DYM: variants seen among roughly 807,000 people sequenced by gnomAD.
DYM encodes dyggve-Melchior-Clausen syndrome protein.
A neutral mutation model predicts 93.1 loss-of-function variants in DYM; 78 were observed. That is an observed-to-expected ratio of 0.84 (90% CI 0.70 to 1.01). The LOEUF is 1.01. Among genes scored for constraint, DYM ranks in the 50% least tolerant of loss-of-function variants. The probability of loss-of-function intolerance (pLI) is 0.00; values close to 1 mark genes in which losing one functional copy is unlikely to be tolerated. For missense variants in DYM, 789 were observed against 845.0 expected (o/e 0.93, Z 0.82); for synonymous variants, 321 against 319.7 (o/e 1.00, Z -0.04).
intron 7 of DYM, among the ~76,000 whole-genome samples, chr18:49,332,877 C>T (rs1204635867): frequency 6.6e-6 from 1 of 152,184 alleles, no homozygotes; most frequent in East Asian, 1.9e-4. Context: ...CACAGTCCCA[C>T]GATGCCAGCA....
intron 3 of DYM, among the ~76,000 whole-genome samples, chr18:49,389,254 T>C (rs1057489362): frequency 3.3e-5 from 5 of 152,162 alleles, no homozygotes; most frequent in African/African-American, 1.2e-4. Flanking sequence ...TTTTTAAACA[T>C]GTAACACATT....
Position 49,430,272 on chromosome 18 carries a change from G to A in DYM, c.123C>T (p.Phe41=), listed in dbSNP as rs1600192255. The A allele has an allele frequency of 6.2e-7, 1 of 1,613,938 alleles. No homozygotes were observed. The highest frequency in any genetic ancestry group is 8.5e-7 in the Non-Finnish European group (1 of 1,179,972). Residue 41 remains phenylalanine, a synonymous_variant, in exon 2 of 18, where the codon TTC becomes TTT. Coordinates refer to ENST00000675505, the MANE Select transcript of DYM (RefSeq NM_001353214.3). ...PFWNQLLSFS[F]PAPTSSSELK... The stretch of plus-strand genomic sequence containing the variant: ...TCTCTTACCTGCTAGTTGGTGCAGG[G>A]AAAGAAAATGAGAGAAGCTGATTCC...
At chr18:49,415,905 C>A (rs2148266464) in intron 2 of DYM, among the ~76,000 whole-genome samples, 2 of 133,052 alleles carry the variant, frequency 1.5e-5, no homozygotes, top group Admixed American at 8.2e-5. Context: ...CCAGCCTGGG[C>A]AACAAGAGCG....
At chr18:49,189,847 T>C (rs976709972) in intron 14 of DYM, among the ~76,000 whole-genome samples, 29 of 152,300 alleles carry the variant, frequency 1.9e-4, no homozygotes, top group Middle Eastern at 3.4e-3. Context: ...ACTCTTGCAA[T>C]AGTCACATCA....
intron 8 of DYM, among the ~76,000 whole-genome samples, chr18:49,321,658 A>C (rs1490345465): frequency 3.9e-5 from 6 of 152,182 alleles, no homozygotes; most frequent in Non-Finnish European, 7.4e-5. Context: ...CACTATTCCA[A>C]ATCATCAATG....
chr18:49,328,062 T>C (rs2063030335), intron 8 of DYM, among the ~76,000 whole-genome samples: 1 of 152,148 alleles, frequency 6.6e-6, no homozygotes, highest in Non-Finnish European at 1.5e-5. Context: ...CAAAATAACA[T>C]ACTAACCAGG....
chr18:49,314,280 G>T (rs1425684727), intron 8 of DYM, among the ~76,000 whole-genome samples: 1 of 152,150 alleles, frequency 6.6e-6, no homozygotes, highest in Non-Finnish European at 1.5e-5. Context: ...ACTCAACATT[G>T]TGCTGTAAGA....
rs771240421 is a variant in DYM, at chr18:49,070,994, G to A, written c.2025+26408C>T. Among the ~76,000 whole-genome samples, 6 of 152,302 alleles carry A rather than the reference G, an allele frequency of 3.9e-5. No individual in the cohort carries two copies. In the South Asian group the frequency reaches 1.2e-3, roughly 32 times the overall value. On this transcript the variant is annotated intron_variant, in intron 17 of 17. Transcript: ENST00000675505. ...CAATAGGGACTGTTAGCAATGAGAGGCTGTATGGTGGAATGTGCAGACCAT... is the reference window on the plus strand; with the variant it reads ...CAATAGGGACTGTTAGCAATGAGAGACTGTATGGTGGAATGTGCAGACCAT...
chr18:49,204,766 A>G (rs964799927), intron 14 of DYM, among the ~76,000 whole-genome samples: 1 of 152,192 alleles, frequency 6.6e-6, no homozygotes, highest in African/African-American at 2.4e-5. Context: ...AAGCCTAGCA[A>G]TGAATTGAAA....
chr18:49,415,930 A>G (rs1286534120), intron 2 of DYM, among the ~76,000 whole-genome samples: 1 of 150,712 alleles, frequency 6.6e-6, no homozygotes, highest in Non-Finnish European at 1.5e-5. Flanking sequence ...TCTGACTCAA[A>G]AAAAAAAAAA....
intron 8 of DYM, among the ~76,000 whole-genome samples, chr18:49,298,508 G>A (rs138854636): frequency 1.3e-5 from 2 of 151,166 alleles, no homozygotes; most frequent in African/African-American, 4.9e-5. Flanking sequence ...TTGAACCTGG[G>A]AGGCAAAGGT....
chr18:49,090,282 T>A (rs908698083), intron 17 of DYM, among the ~76,000 whole-genome samples: 1 of 152,134 alleles, frequency 6.6e-6, no homozygotes, highest in East Asian at 1.9e-4. Flanking sequence ...CCCGGTGAAA[T>A]GGCAGAAATG....
chr18:49,065,845 C>T (rs1350036870), intron 17 of DYM, among the ~76,000 whole-genome samples: 2 of 152,034 alleles, frequency 1.3e-5, no homozygotes, highest in African/African-American at 4.8e-5. Flanking sequence ...TAGATCACAT[C>T]TTAGGAGAGC....
chr18:49,241,490 T>C (rs1022531427), intron 13 of DYM, among the ~76,000 whole-genome samples: 7 of 152,186 alleles, frequency 4.6e-5, no homozygotes, highest in African/African-American at 1.4e-4. Flanking sequence ...ACTAGCAATA[T>C]GAGTGATAGA....
intron 9 of DYM, among the ~76,000 whole-genome samples, chr18:49,285,756 C>T (rs536253755): frequency 6.6e-6 from 1 of 152,350 alleles, no homozygotes; most frequent in East Asian, 1.9e-4. Context: ...CTACAGGAAT[C>T]TTGCTTTTAG....
intron 8 of DYM, among the ~76,000 whole-genome samples, chr18:49,296,752 A>G (rs1486595759): frequency 1.3e-5 from 2 of 152,198 alleles, no homozygotes; most frequent in Admixed American, 6.5e-5. Context: ...CCTTGCTTAG[A>G]AAATTCTTCA....
intron 3 of DYM, among the ~76,000 whole-genome samples, chr18:49,388,973 A>G (rs1236293285): frequency 2.0e-5 from 3 of 152,028 alleles, no homozygotes; most frequent in Admixed American, 1.3e-4. Flanking sequence ...AGCACTTAAA[A>G]AAATTTTTTT....
chr18:49,047,269 T>C (rs1369091774), intron 17 of DYM, among the ~76,000 whole-genome samples: 1 of 152,226 alleles, frequency 6.6e-6, no homozygotes, highest in Non-Finnish European at 1.5e-5. Flanking sequence ...CTAGTTCTAG[T>C]TCAATGAAAC....
At chr18:49,141,383 C>G (rs2084480212) in intron 15 of DYM, among the ~76,000 whole-genome samples, 1 of 152,140 alleles carries the variant, frequency 6.6e-6, no homozygotes, top group South Asian at 2.1e-4. Context: ...TGGCTAACCT[C>G]CAAACTCTTT....
Sources: allele counts gnomAD v4.1 joint callset (sites outside exome capture counted in the v4.1 genomes callset), GRCh38; gene constraint gnomAD v4.1.1; transcripts MANE v1.5; gene names NCBI Gene and HGNC (gene_info 2026-07-23, HGNC 2026-07-21).